Variants in GSE1 observed in about 807,000 individuals in gnomAD.
GSE1 encodes genetic suppressor element 1.
A neutral mutation model predicts 112.6 loss-of-function variants in GSE1; 32 were observed. The ratio of observed to expected loss-of-function variants is 0.28; its 90% confidence interval spans 0.21 to 0.38. The LOEUF is 0.38. Among genes scored for constraint, GSE1 ranks in the 10% least tolerant of loss-of-function variants. GSE1 has a pLI of 1.00. For synonymous variants in GSE1, 1,115 were observed against 735.6 expected, an observed-to-expected ratio of 1.52 and a Z score of -8.35; for missense variants, 2,348 against 1,699.2, an observed-to-expected ratio of 1.38 and a Z score of -6.71.
At chr16:85,246,238 C>T (rs1323851760) in intron 1 of GSE1, among the ~76,000 whole-genome samples, 4 of 123,670 alleles carry the variant, frequency 3.2e-5, no homozygotes, top group Non-Finnish European at 7.0e-5. Flanking sequence ...CACACACACA[C>T]GCACACCACA....
chr16:85,627,611 C>T (rs760520662), intron 1 of GSE1, among the ~76,000 whole-genome samples: 1 of 152,088 alleles, frequency 6.6e-6, no homozygotes, highest in Non-Finnish European at 1.5e-5. Flanking sequence ...ACCCCTGGCT[C>T]GTTTTCGCCT....
At chr16:85,648,342 C>T (rs895517040) in intron 2 of GSE1, among the ~76,000 whole-genome samples, 1 of 152,022 alleles carries the variant, frequency 6.6e-6, no homozygotes, top group Non-Finnish European at 1.5e-5. Flanking sequence ...ATAGGGAGTG[C>T]CCGGGGTAGA....
chr16:85,432,699 A>T (rs2049150210), intron 2 of GSE1, among the ~76,000 whole-genome samples: 1 of 152,170 alleles, frequency 6.6e-6, no homozygotes, highest in Non-Finnish European at 1.5e-5. Context: ...ACCACTGTGT[A>T]TCAGGTGTTT....
chr16:85,268,128 G>C (rs934872262), intron 1 of GSE1, among the ~76,000 whole-genome samples: 1 of 152,122 alleles, frequency 6.6e-6, no homozygotes, highest in Non-Finnish European at 1.5e-5. Flanking sequence ...TCTGTATTTC[G>C]TGACACAGTG....
intron 1 of GSE1, among the ~76,000 whole-genome samples, chr16:85,262,474 G>T (rs1287251098): frequency 6.6e-6 from 1 of 152,208 alleles, no homozygotes; most frequent in African/African-American, 2.4e-5. Context: ...CCCTGAAGCC[G>T]CATGCCGGGA....
At chr16:85,600,607 CACA>C (rs1567633603) in intron 1 of GSE1, among the ~76,000 whole-genome samples, 7 of 152,070 alleles carry the variant, frequency 4.6e-5, no homozygotes, top group African/African-American at 1.7e-4. Flanking sequence ...CACACACACA[CACA>C]CCCCAAAAAC....
chr16:85,653,195 CCTCCCCCCTCCTCCCCCCT>C (rs2151908029), intron 3 of GSE1, among the ~76,000 whole-genome samples: 1 of 30 alleles, frequency 0.033, no homozygotes, highest in Non-Finnish European at 0.071. Flanking sequence ...CCGCCCCCCT[CCTCCCCCCTCCTCCCCCCT>C]CCCCCTCCTC....
intron 1 of GSE1, among the ~76,000 whole-genome samples, chr16:85,214,995 C>T (rs1165997671): frequency 1.3e-5 from 2 of 152,192 alleles, no homozygotes; most frequent in African/African-American, 4.8e-5. Context: ...AGACACAATG[C>T]CAGGCGCAAG....
intron 2 of GSE1, among the ~76,000 whole-genome samples, chr16:85,386,908 T>G (rs1299576730): frequency 6.6e-6 from 1 of 152,108 alleles, no homozygotes; most frequent in Non-Finnish European, 1.5e-5. Flanking sequence ...GGCTGCTGGC[T>G]TTGGCTGGGT....
chr16:85,355,120 A>G (rs2151567354), intron 1 of GSE1, among the ~76,000 whole-genome samples: 1 of 152,298 alleles, frequency 6.6e-6, no homozygotes, highest in East Asian at 1.9e-4. Flanking sequence ...CGGTAAATTT[A>G]TACGTCCCTT....
chr16:85,338,770 C>T (rs999411100), intron 1 of GSE1, among the ~76,000 whole-genome samples: 3 of 152,092 alleles, frequency 2.0e-5, no homozygotes, highest in Admixed American at 6.6e-5. Flanking sequence ...AAGCTGGGGC[C>T]CAGAGAGGTT....
chr16:85,336,798 A>G (rs963865264), intron 1 of GSE1, among the ~76,000 whole-genome samples: 8 of 152,130 alleles, frequency 5.3e-5, no homozygotes, highest in African/African-American at 1.9e-4. Context: ...GCACATATGC[A>G]TGCTCACACA....
rs1200245985 is a variant in GSE1, at chr16:85,260,301, C to CCTTTTT, written c.2283+88506_2283+88511dup. ...GGTGAAACATTTCTTTTTTATTTTTCCTTTTTCTTTTTCTTTTCTTTTTTT... is the reference window on the plus strand; with the variant it reads ...GGTGAAACATTTCTTTTTTATTTTTCCTTTTTCTTTTTCTTTTTCTTTTCTTTTTTT... On this transcript the variant is annotated intron_variant, in intron 1 of 2. Coordinates refer to the GSE1 transcript ENST00000637419. Among the ~76,000 whole-genome samples the CCTTTTT allele has an allele frequency of 3.3e-4, 49 of 149,154 alleles. 2 individuals are homozygous for CCTTTTT. The highest frequency in any genetic ancestry group is 1.1e-3 in the African/African-American group (46 of 40,202).
At chr16:85,333,695 TG>T (rs1319614017) in intron 1 of GSE1, among the ~76,000 whole-genome samples, 4 of 152,186 alleles carry the variant, frequency 2.6e-5, no homozygotes, top group African/African-American at 9.6e-5. Flanking sequence ...CCGGCAGGCA[TG>T]GGGGCCCAAA....
At chr16:85,671,692 C>G (rs1327801026) in intron 15 of GSE1, 1 of 153,324 alleles carries the variant, frequency 6.5e-6, no homozygotes, top group African/African-American at 2.4e-5. Context: ...GGTAGGGATG[C>G]TGTTTGTAGA....
intron 2 of GSE1, among the ~76,000 whole-genome samples, chr16:85,482,319 C>T (rs185752494): frequency 1.3e-5 from 2 of 152,352 alleles, no homozygotes; most frequent in African/African-American, 4.8e-5. Flanking sequence ...ATCGCACTTG[C>T]GTGCTTCCTG....
chr16:85,359,174 C>A (rs1339497564), intron 2 of GSE1, among the ~76,000 whole-genome samples: 1 of 152,212 alleles, frequency 6.6e-6, no homozygotes, highest in Non-Finnish European at 1.5e-5. Context: ...CTCAGGACAT[C>A]CCCAGGGGAG....
intron 2 of GSE1, among the ~76,000 whole-genome samples, chr16:85,364,913 C>T (rs2047156686): frequency 6.6e-6 from 1 of 152,212 alleles, no homozygotes; most frequent in Non-Finnish European, 1.5e-5. Context: ...CTGTGCGCTG[C>T]CCAGGCACTT....
exon 1 of GSE1, chr16:85,556,221 T>C (rs2045204251): frequency 1.0e-6 from 1 of 984,812 alleles, no homozygotes; most frequent in African/African-American, 1.7e-5. Flanking sequence ...GTTTTGGACA[T>C]TTTTGAGCGC....
Sources: allele counts gnomAD v4.1 joint callset (sites outside exome capture counted in the v4.1 genomes callset), GRCh38; gene constraint gnomAD v4.1.1; transcripts MANE v1.5; gene names NCBI Gene and HGNC (gene_info 2026-07-23, HGNC 2026-07-21).